Variants in CCDC171 observed in about 807,000 individuals in gnomAD.
The protein encoded by CCDC171 is coiled-coil domain-containing protein 171.
Under a neutral mutation model 168.2 loss-of-function variants are expected in CCDC171, and 177 were observed. The ratio of observed to expected loss-of-function variants is 1.05; its 90% CI spans 0.93 to 1.19. The LOEUF (loss-of-function observed/expected upper bound fraction) is 1.19, where lower values mean the gene tolerates loss of function less well. Among genes scored for constraint, CCDC171 ranks in the 50% most tolerant of loss-of-function variants. The pLI is 0.00. For missense variants in CCDC171, 1,991 were observed against 1,539.0 expected, an observed-to-expected ratio of 1.29 and a Z score of -4.91; for synonymous variants, 687 against 540.8, an observed-to-expected ratio of 1.27 and a Z score of -3.75.
Position 15,743,553 on chromosome 9 carries a change from A to G in CCDC171, c.2050-720A>G, listed in dbSNP as rs114906539. On this transcript the variant is annotated intron_variant, in intron 16 of 25. Transcript: ENST00000380701. The stretch of plus-strand genomic sequence containing the variant: ...GAGAGAGCCAATTTATTTTCTAGTG[A>G]TTAATTGTGGTTCTTACAGTTAAAT... 4.0e-3 allele frequency among the ~76,000 whole-genome samples: 609 copies of G among 152,242 alleles called. 9 individuals carry two copies. The highest frequency in any genetic ancestry group is 0.013 in the African/African-American group (555 of 41,542).
rs558469666 is a variant in CCDC171 at position 16,002,924 on chromosome 9, C to T, written n.369-17665C>T. On this transcript the variant is annotated intron_variant and non_coding_transcript_variant, in intron 3 of 9. Coordinates refer to the CCDC171 transcript ENST00000486641. ...TTGGTAGCCTAGAAGCTGTAGGCTA[C>T]ACTACATAGCCTAGATGTAGATGGC... Among the ~76,000 whole-genome samples the T allele has an allele frequency of 6.6e-5, 10 of 152,324 alleles. No individual in the cohort carries two copies. The East Asian group carries it at 9.6e-4, about 15-fold the overall frequency.
At chr9:15,803,318 A>G (rs1209109716) in intron 21 of CCDC171, among the ~76,000 whole-genome samples, 1 of 151,214 alleles carries the variant, frequency 6.6e-6, no homozygotes, top group Non-Finnish European at 1.5e-5. Flanking sequence ...TGTTTTTGTC[A>G]TGAAATCTTT....
chr9:15,738,917 G>T (rs1366383366), intron 16 of CCDC171, among the ~76,000 whole-genome samples: 2 of 152,128 alleles, frequency 1.3e-5, no homozygotes, highest in Non-Finnish European at 2.9e-5. Context: ...ACTGTGCTAA[G>T]CAAAGTCAGG....
At chr9:15,743,185 A>G (rs2055013388) in intron 16 of CCDC171, among the ~76,000 whole-genome samples, 1 of 63,508 alleles carries the variant, frequency 1.6e-5, no homozygotes, top group Non-Finnish European at 2.8e-5. Flanking sequence ...TTTTTTTTTG[A>G]GACAGCGTCT....
At chr9:15,676,895 C>A (rs536169744) in intron 9 of CCDC171, among the ~76,000 whole-genome samples, 9 of 152,166 alleles carry the variant, frequency 5.9e-5, no homozygotes, top group African/African-American at 2.2e-4. Flanking sequence ...AGTCTGGAAT[C>A]TTTAGGTGAT....
the CCDC171 span, among the ~76,000 whole-genome samples, chr9:16,099,079 A>T: frequency 6.6e-6 from 1 of 152,226 alleles, no homozygotes; most frequent in South Asian, 2.1e-4. Context: ...AATCCAGTTG[A>T]TTCCAGACTG....
At chr9:15,809,371 C>T (rs1446058691) in intron 21 of CCDC171, among the ~76,000 whole-genome samples, 1 of 152,226 alleles carries the variant, frequency 6.6e-6, no homozygotes, top group East Asian at 1.9e-4. Flanking sequence ...TTCAATTCCT[C>T]AGTCTCACTG....
At chr9:16,024,346 C>T (rs1400883310) in intron 6 of CCDC171, among the ~76,000 whole-genome samples, 5 of 152,160 alleles carry the variant, frequency 3.3e-5, no homozygotes, top group African/African-American at 9.7e-5. Flanking sequence ...TATAATCAAA[C>T]TTAGAGCATC....
rs76281349 is a variant in CCDC171, at chr9:15,704,456, C to T, written c.1318+9119C>T. 1.6e-3 allele frequency among the ~76,000 whole-genome samples: 243 copies of T among 152,246 alleles called. 7 individuals carry two copies. The East Asian group carries it at 0.044, about 27-fold the overall frequency. The stretch of plus-strand genomic sequence containing the variant: ...ACGGCAAGAAGGCAGTGGCGCTTTA[C>T]CTCCTTTTTGTCTCTTGACATACCT... On this transcript the variant is annotated intron_variant, in intron 11 of 25. Transcript: ENST00000380701.
At chr9:15,912,739 T>C (rs1196200381) in intron 24 of CCDC171, among the ~76,000 whole-genome samples, 1 of 152,242 alleles carries the variant, frequency 6.6e-6, no homozygotes, top group Non-Finnish European at 1.5e-5. Context: ...TGAGTGTTTT[T>C]AGCATGAAAG....
intron 7 of CCDC171, among the ~76,000 whole-genome samples, chr9:15,628,811 C>T (rs1171938660): frequency 1.1e-4 from 17 of 152,220 alleles, no homozygotes; most frequent in South Asian, 2.1e-4. Context: ...CTCACACGGC[C>T]GGGTACTCCT....
rs934264456 is a variant in CCDC171 at position 15,710,363 on chromosome 9, C to T, written c.1319-11406C>T. Among the ~76,000 whole-genome samples, 11 of 151,800 alleles carry T rather than the reference C, an allele frequency of 7.2e-5. No homozygotes were observed. The East Asian group carries it at 1.9e-3, about 27-fold the overall frequency. Reference sequence around the variant, plus strand: ...CACTCTGTCACCCAGGCTGGAGTGGCGCCATCTCAGCTCACTGCAAGCTCC... The same window carrying T: ...CACTCTGTCACCCAGGCTGGAGTGGTGCCATCTCAGCTCACTGCAAGCTCC... On this transcript the variant is annotated intron_variant, in intron 11 of 25. Coordinates refer to ENST00000380701, the MANE Select transcript of CCDC171 (RefSeq NM_173550.4).
chr9:15,637,336 C>T (rs1030819203), intron 7 of CCDC171, among the ~76,000 whole-genome samples: 4 of 152,058 alleles, frequency 2.6e-5, no homozygotes, highest in Admixed American at 6.6e-5. Context: ...TGTGGTTGTG[C>T]ACAACCCGGT....
the CCDC171 span, among the ~76,000 whole-genome samples, chr9:16,073,819 T>G: frequency 6.6e-6 from 1 of 152,184 alleles, no homozygotes; most frequent in Non-Finnish European, 1.5e-5. Flanking sequence ...ATTGGAGTTG[T>G]CAGTTTCTGT....
chr9:16,074,729 G>A, the CCDC171 span, among the ~76,000 whole-genome samples: 1 of 152,142 alleles, frequency 6.6e-6, no homozygotes, highest in Non-Finnish European at 1.5e-5. Context: ...AAATGTTAGA[G>A]TTTGAAAGTA....
chr9:15,580,483 A>T (rs907894477), intron 4 of CCDC171, among the ~76,000 whole-genome samples: 115 of 152,326 alleles, frequency 7.5e-4, no homozygotes, highest in African/African-American at 2.5e-3. Flanking sequence ...CAAACTATGC[A>T]TCTGACAAAG....
At chr9:15,941,513 T>G (rs139755244) in intron 25 of CCDC171, among the ~76,000 whole-genome samples, 1 of 152,012 alleles carries the variant, frequency 6.6e-6, no homozygotes, top group East Asian at 1.9e-4. Context: ...AAAAAGATAA[T>G]TAGGGAAATT....
chr9:15,765,325 A>T (rs1220990361), intron 18 of CCDC171, among the ~76,000 whole-genome samples: 1 of 152,112 alleles, frequency 6.6e-6, no homozygotes, highest in Admixed American at 6.6e-5. Flanking sequence ...GGGTAATTCA[A>T]TGTGTTTGTG....
chr9:15,794,127 T>C (rs999863985), intron 21 of CCDC171, among the ~76,000 whole-genome samples: 1 of 152,132 alleles, frequency 6.6e-6, no homozygotes, highest in African/African-American at 2.4e-5. Flanking sequence ...TATTTGATAA[T>C]CCTTGTTGGG....
Sources: allele counts gnomAD v4.1 joint callset (sites outside exome capture counted in the v4.1 genomes callset), GRCh38; gene constraint gnomAD v4.1.1; transcripts MANE v1.5; gene names NCBI Gene and HGNC (gene_info 2026-07-23, HGNC 2026-07-21).